ETF1: variants seen among roughly 807,000 people sequenced by gnomAD.
ETF1 encodes eukaryotic peptide chain release factor subunit 1.
A neutral mutation model predicts 55.1 loss-of-function variants in ETF1; 4 were observed. The observed-to-expected ratio is 0.07, with a 90% CI of 0.04 to 0.17. ETF1 has a LOEUF of 0.17. Among genes scored for constraint, ETF1 ranks in the 10% least tolerant of loss-of-function variants. The pLI is 1.00. For missense variants in ETF1, 142 were observed against 523.6 expected (o/e 0.27, Z 7.11); for synonymous variants, 157 against 182.3 (o/e 0.86, Z 1.12).
At chr5:138,518,003 A>G (rs1297676777) in intron 3 of ETF1, 1 of 389,802 alleles carries the variant, frequency 2.6e-6, no homozygotes, top group African/African-American at 2.2e-5. Context: ...GGAATTCAAG[A>G]CCAACCTGGC....
At chr5:138,518,373 G>C (rs977277653) in intron 3 of ETF1, among the ~76,000 whole-genome samples, 2 of 151,928 alleles carry the variant, frequency 1.3e-5, no homozygotes, top group African/African-American at 2.4e-5. Context: ...ACCAGGCCTG[G>C]CTAACTTTTG....
Position 138,518,692 on chromosome 5 carries a change from C to T in ETF1, c.262G>A (p.Val88Ile), listed in dbSNP as rs1212211096. Residue 88 changes from valine (V) to isoleucine (I), a missense_variant and splice_region_variant, in exon 3 of 11, where the codon GTA (valine) becomes ATA (isoleucine). Physicochemically the swap from Val to Ile is conservative, Grantham distance 29. Around this residue, in one of 5 missense-constraint regions of ETF1, gnomAD observed 14 missense variants for 22.3 expected, o/e 0.63. Transcript: ENST00000360541. Reference protein sequence around the residue: ...VQQRLKLYNKVPPNGLVVYCG... With the variant: ...VQQRLKLYNKIPPNGLVVYCG... The stretch of plus-strand genomic sequence containing the variant: ...GGAAAAGGAGCAAACTCCAGATTAC[C>T]TTTGTTATAAAGTTTGAGTCTTTGT... 6.2e-7 allele frequency: 1 copy of T among 1,610,870 alleles called. No individual in the cohort carries two copies.
chr5:138,521,318 C>G (rs916052607), intron 2 of ETF1, among the ~76,000 whole-genome samples: 1 of 152,092 alleles, frequency 6.6e-6, no homozygotes, highest in African/African-American at 2.4e-5. Context: ...TTGCCAGCAA[C>G]TGGAGTAAGG....
At chr5:138,523,055 G>GT (rs1356325553) in intron 2 of ETF1, among the ~76,000 whole-genome samples, 1 of 151,282 alleles carries the variant, frequency 6.6e-6, no homozygotes. Context: ...ACTACATCAA[G>GT]TAAAAACTGT....
intron 2 of ETF1, among the ~76,000 whole-genome samples, chr5:138,535,557 T>C (rs917095289): frequency 1.3e-5 from 2 of 151,606 alleles, no homozygotes; most frequent in South Asian, 2.1e-4. Context: ...CTGTCTCTAC[T>C]AAAAAATGCA....
At chr5:138,510,112 C>G (rs1764708665) in intron 9 of ETF1, among the ~76,000 whole-genome samples, 1 of 150,780 alleles carries the variant, frequency 6.6e-6, no homozygotes, top group Admixed American at 6.6e-5. Flanking sequence ...AATCCCACCA[C>G]TTGGGAGGCC....
intron 2 of ETF1, among the ~76,000 whole-genome samples, chr5:138,538,140 T>C (rs1195768996): frequency 6.7e-6 from 1 of 149,700 alleles, no homozygotes; most frequent in Non-Finnish European, 1.5e-5. Flanking sequence ...TCCACCTGCC[T>C]TGGCCTCCCA....
At position 138,507,813 on chromosome 5, in the gene ETF1, T is replaced by C. The variant is rs1764612810; in HGVS notation, c.*492A>G. On this transcript the variant is annotated 3_prime_UTR_variant, in exon 11 of 11. Transcript: ENST00000360541. The stretch of plus-strand genomic sequence containing the variant: ...TCCAACATTTCACCACATATATTTC[T>C]TCTTACGCAGTCTAAGCTGAGAATG... 6.5e-6 allele frequency: 1 copy of C among 153,702 alleles called. No homozygotes were observed. The allele number at this position is 153,702 out of a possible 1,614,324, so 9.5% of individuals were successfully genotyped here. A position where few individuals can be genotyped will look rare whatever the true frequency, so the allele number is the denominator to read the frequency against.
intron 2 of ETF1, chr5:138,541,596 T>C (rs774546506): frequency 2.6e-6 from 4 of 1,531,340 alleles, no homozygotes; most frequent in Non-Finnish European, 3.5e-6. Flanking sequence ...GGAGGGGCTG[T>C]CATTCTAAAA....
rs1216135667 is a variant in ETF1 at position 138,506,708 on chromosome 5, CTT to C, written c.*1595_*1596del. ...CAGAGTACAGTGTGAGAACCAGAAA[CTT>C]TACATTTAAGACATACTCCCTTCAT... On this transcript the variant is annotated 3_prime_UTR_variant, in exon 11 of 11. Transcript: ENST00000360541. 2 of 152,738 alleles carry C rather than the reference CTT, an allele frequency of 1.3e-5. No homozygotes were observed. The highest frequency in any genetic ancestry group is 1.9e-4 in the East Asian group (1 of 5,194). The allele number at this position is 152,738 out of a possible 1,614,324, so 9.5% of individuals were successfully genotyped here.
chr5:138,511,722 C>T, intron 6 of ETF1, 118 bp from the exon 7 acceptor site: 1 of 1,401,020 alleles, frequency 7.1e-7, no homozygotes, highest in Non-Finnish European at 9.3e-7. Context: ...ATTATGATCA[C>T]TGAAGTCTAA....
chr5:138,514,071 G>T (rs1053303917), intron 4 of ETF1: 1 of 201,212 alleles, frequency 5.0e-6, no homozygotes, highest in African/African-American at 2.4e-5. Context: ...CTACAACAGG[G>T]ATGAAACTTG....
At chr5:138,537,533 T>C (rs1011984836) in intron 2 of ETF1, among the ~76,000 whole-genome samples, 64 of 152,324 alleles carry the variant, frequency 4.2e-4, no homozygotes, top group Admixed American at 1.5e-3. Context: ...CTCACAAAAC[T>C]TAAAATAGTC....
chr5:138,538,938 G>GT, intron 2 of ETF1, among the ~76,000 whole-genome samples: 1 of 152,152 alleles, frequency 6.6e-6, no homozygotes, highest in African/African-American at 2.4e-5. Flanking sequence ...TTTAAAAATG[G>GT]TTATATTTGG....
intron 2 of ETF1, among the ~76,000 whole-genome samples, chr5:138,532,382 T>C (rs971437010): frequency 1.3e-5 from 2 of 152,212 alleles, no homozygotes; most frequent in African/African-American, 4.8e-5. Flanking sequence ...CACAAATCCC[T>C]GTGGGTCTGT....
intron 2 of ETF1, among the ~76,000 whole-genome samples, chr5:138,541,116 G>C (rs1041874989): frequency 2.6e-5 from 4 of 152,132 alleles, no homozygotes; most frequent in Non-Finnish European, 5.9e-5. Context: ...TGCAACAACA[G>C]CAATCTATAA....
chr5:138,521,061 G>C (rs1765213163), intron 2 of ETF1, among the ~76,000 whole-genome samples: 1 of 152,086 alleles, frequency 6.6e-6, no homozygotes, highest in Non-Finnish European at 1.5e-5. Context: ...ATTCACAATA[G>C]CCTAGAGGTG....
At chr5:138,542,724 G>C (rs1205432421) in intron 2 of ETF1, 109 bp downstream of exon 2, 1 of 1,535,014 alleles carries the variant, frequency 6.5e-7, no homozygotes, top group African/African-American at 1.4e-5. Flanking sequence ...CAGAAGGCGG[G>C]AGTTGGCTAG....
intron 2 of ETF1, among the ~76,000 whole-genome samples, chr5:138,532,452 C>T (rs961038809): frequency 6.6e-6 from 1 of 152,144 alleles, no homozygotes; most frequent in Non-Finnish European, 1.5e-5. Context: ...AAGTGCCTAG[C>T]TTGGAGAGCA....
Sources: allele counts gnomAD v4.1 joint callset (sites outside exome capture counted in the v4.1 genomes callset), GRCh38; gene constraint gnomAD v4.1.1; regional missense constraint gnomAD v4.1.1; transcripts MANE v1.5; gene names NCBI Gene and HGNC (gene_info 2026-07-23, HGNC 2026-07-21).